Variants in KNDC1 observed in about 807,000 individuals in gnomAD.
KNDC1 encodes kinase non-catalytic C-lobe domain-containing protein 1.
KNDC1 carries 106 observed loss-of-function variants against 172.8 expected under a neutral mutation model. The ratio of observed to expected loss-of-function variants is 0.61; its 90% CI spans 0.52 to 0.72. The LOEUF (loss-of-function observed/expected upper bound fraction) is 0.72. Among genes scored for constraint, KNDC1 ranks in the 30% least tolerant of loss-of-function variants. The pLI is 0.00. For missense variants in KNDC1, 2,325 were observed against 2,394.5 expected (o/e 0.97, Z 0.61); for synonymous variants, 1,083 against 1,062.2 (o/e 1.02, Z -0.38).
At chr10:133,196,987 C>T (rs1854209230) in intron 10 of KNDC1, 71 bp from the exon 11 acceptor site, 1 of 1,244,440 alleles carries the variant, frequency 8.0e-7, no homozygotes, top group African/African-American at 1.5e-5. Context: ...CAGATGGGGA[C>T]CCAGTGACAC....
At chr10:133,219,893 TGAG>T in intron 28 of KNDC1, 59 bp from the exon 29 acceptor site, 1 of 1,475,736 alleles carries the variant, frequency 6.8e-7, no homozygotes, top group East Asian at 2.5e-5. Flanking sequence ...TGGCCCCGGC[TGAG>T]GCTCCTGCAC....
chr10:133,213,881 G>A (rs889524187), intron 25 of KNDC1, 91 bp from the exon 26 acceptor site: 36 of 1,551,894 alleles, frequency 2.3e-5, no homozygotes, highest in Middle Eastern at 1.7e-4. Context: ...CTCGTGGCCC[G>A]ACCCCAGCCC....
rs773810392 is a variant in KNDC1 at position 133,198,356 on chromosome 10, C to T, written c.1926C>T (p.Ser642=). The T allele has an allele frequency of 9.4e-6, 15 of 1,587,690 alleles. No individual in the cohort carries two copies. The highest frequency in any genetic ancestry group is 9.2e-5 in the East Asian group (4 of 43,686). ...EPSPGFLPVN[S]DTGLVAVPGP... is the part of the protein sequence containing the mutation. Reference sequence around the variant, plus strand: ...CCCCAGGCTTCCTGCCGGTGAACAGCGACACCGGGCTTGTGGCTGTGCCAG... The same window carrying T: ...CCCCAGGCTTCCTGCCGGTGAACAGTGACACCGGGCTTGTGGCTGTGCCAG... Residue 642 remains serine (S), a synonymous_variant, in exon 13 of 30, where the codon AGC becomes AGT. Coordinates refer to ENST00000304613, the MANE Select transcript of KNDC1 (RefSeq NM_152643.8).
chr10:133,219,529 A>G (rs1210421625), intron 28 of KNDC1, among the ~76,000 whole-genome samples: 1 of 152,198 alleles, frequency 6.6e-6, no homozygotes, highest in Non-Finnish European at 1.5e-5. Context: ...TGGGTCTCAG[A>G]GCTCGGCCTC....
chr10:133,198,884 G>T lies in KNDC1; in HGVS notation c.2376G>T (p.Leu792=). Residue 792 remains leucine, a synonymous_variant, in exon 14 of 30, where the codon CTG becomes CTT. Transcript: ENST00000304613. ...CCCCGCCCACGAAGGCATCTGCGCT[G>T]CCCGTAGAGCAAGGGCCGGCTGAGC... The part of the protein sequence containing the change: ...VPAPPTKASA[L]PVEQGPAEPI... 1.3e-6 allele frequency: 2 copies of T among 1,594,480 alleles called. No homozygotes were observed. Among genetic ancestry groups the T allele is most frequent in the Non-Finnish European group, 8.5e-7 (1 of 1,174,684 alleles).
intron 1 of KNDC1, chr10:133,164,213 C>G (rs1469592220): frequency 6.6e-6 from 1 of 152,352 alleles, no homozygotes; most frequent in Non-Finnish European, 1.5e-5. Flanking sequence ...TCCCTGCTCT[C>G]AGACCTACCC....
rs561120546 is a variant in KNDC1 at position 133,218,326 on chromosome 10, C to T, written c.4678-505C>T. Among the ~76,000 whole-genome samples, 401 of 152,370 alleles carry T rather than the reference C, an allele frequency of 2.6e-3. 1 individual carries two copies. Among genetic ancestry groups the T allele is most frequent in the African/African-American group, 8.6e-3 (357 of 41,594 alleles). ...GTGTTCCAACCAAGGCCAGCAAGGT[C>T]GTCACCGCCAGCCACAGAGCCCCGG... On this transcript the variant is annotated intron_variant, in intron 26 of 29. Coordinates refer to ENST00000304613, the MANE Select transcript of KNDC1 (RefSeq NM_152643.8).
intron 26 of KNDC1, among the ~76,000 whole-genome samples, chr10:133,217,415 G>GC (rs1250017691): frequency 3.3e-5 from 5 of 152,252 alleles, no homozygotes; most frequent in Non-Finnish European, 7.3e-5. Context: ...CTGCACAGGG[G>GC]CCCTGCAGAC....
chr10:133,184,139 A>G (rs1167570743), intron 5 of KNDC1, 150 bp downstream of exon 5: 3 of 484,180 alleles, frequency 6.2e-6, no homozygotes, highest in Non-Finnish European at 1.1e-5. Context: ...CACACATGCC[A>G]CACACACCCA....
chr10:133,218,809 A>G (rs1845522102), intron 26 of KNDC1, 22 bp from the exon 27 acceptor site: 32 of 1,606,590 alleles, frequency 2.0e-5, no homozygotes, highest in Non-Finnish European at 2.5e-5. Context: ...AAGACGCTGA[A>G]TGTGTCATTT....
intron 29 of KNDC1, among the ~76,000 whole-genome samples, chr10:133,223,550 T>C (rs1339282687): frequency 5.5e-5 from 4 of 72,398 alleles, no homozygotes; most frequent in East Asian, 1.1e-3. Flanking sequence ...GGCGTGTGTG[T>C]GCGTGTGTGT....
intron 3 of KNDC1, among the ~76,000 whole-genome samples, chr10:133,179,910 G>A (rs1349525797): frequency 6.6e-6 from 1 of 152,226 alleles, no homozygotes; most frequent in Non-Finnish European, 1.5e-5. Flanking sequence ...GCCAGGCAGG[G>A]CCACTCGGTG....
intron 22 of KNDC1, 41 bp downstream of exon 22, chr10:133,211,610 C>G: frequency 6.2e-7 from 1 of 1,602,872 alleles, no homozygotes; most frequent in Non-Finnish European, 8.5e-7. Flanking sequence ...CCCGGGGCTC[C>G]CACAGTGGGA....
chr10:133,223,770 CGT>C (rs71016430), intron 29 of KNDC1, among the ~76,000 whole-genome samples: 18 of 5,046 alleles, frequency 3.6e-3, no homozygotes, highest in African/African-American at 5.2e-3. Context: ...CTCTTCCCGG[CGT>C]GTGTGTGTGT....
At chr10:133,165,070 C>T (rs1377205515) in intron 1 of KNDC1, among the ~76,000 whole-genome samples, 2 of 152,196 alleles carry the variant, frequency 1.3e-5, no homozygotes, top group Non-Finnish European at 2.9e-5. Flanking sequence ...ATGACAAGAC[C>T]CCCTGGGTGG....
chr10:133,200,563 A>G (rs1171817920), intron 16 of KNDC1, 103 bp downstream of exon 16: 1 of 914,618 alleles, frequency 1.1e-6, no homozygotes, highest in East Asian at 3.4e-5. Context: ...CTCAGACTGC[A>G]CTGCTCCAGC....
At chr10:133,204,792 A>T (rs1445440227) in intron 17 of KNDC1, among the ~76,000 whole-genome samples, 2 of 152,170 alleles carry the variant, frequency 1.3e-5, no homozygotes, top group East Asian at 3.8e-4. Context: ...AGCCTGGTGG[A>T]CCGGCTCGCG....
chr10:133,192,655 T>TA (rs970780096), intron 9 of KNDC1, among the ~76,000 whole-genome samples: 41 of 152,174 alleles, frequency 2.7e-4, no homozygotes, highest in African/African-American at 7.0e-4. Flanking sequence ...GCTGATTTTT[T>TA]AAAAAAACTC....
chr10:133,215,214 C>T (rs1231230363), intron 26 of KNDC1, among the ~76,000 whole-genome samples: 1 of 152,242 alleles, frequency 6.6e-6, no homozygotes, highest in Non-Finnish European at 1.5e-5. Context: ...CCACGAACCC[C>T]ATCACTGCCG....
Sources: allele counts gnomAD v4.1 joint callset (sites outside exome capture counted in the v4.1 genomes callset), GRCh38; gene constraint gnomAD v4.1.1; transcripts MANE v1.5; gene names NCBI Gene and HGNC (gene_info 2026-07-23, HGNC 2026-07-21).